The following PPFIA2 variants were observed in gnomAD, a reference collection of about 807,000 sequenced individuals.
PPFIA2 encodes PPFI scaffold protein A2, also known as liprin-alpha-2.
A neutral mutation model predicts 175.5 loss-of-function variants in PPFIA2; 46 were observed. That is an observed-to-expected ratio of 0.26 (90% confidence interval 0.21 to 0.34). The LOEUF (loss-of-function observed/expected upper bound fraction) is 0.34, where lower values mean the gene tolerates loss of function less well. Among genes scored for constraint, PPFIA2 ranks in the 10% least tolerant of loss-of-function variants. The pLI is 1.00. For missense variants in PPFIA2, 1,179 were observed against 1,506.1 expected (o/e 0.78, Z 3.60); for synonymous variants, 568 against 511.4 (o/e 1.11, Z -1.49).
intron 4 of PPFIA2, among the ~76,000 whole-genome samples, chr12:81,465,722 C>A (rs184776035): frequency 1.3e-5 from 2 of 151,898 alleles, no homozygotes; most frequent in South Asian, 4.2e-4. Context: ...TTTCTAGAAC[C>A]GATTAATAAC....
intron 22 of PPFIA2, among the ~76,000 whole-genome samples, chr12:81,324,742 G>A: frequency 6.6e-6 from 1 of 151,896 alleles, no homozygotes; most frequent in East Asian, 1.9e-4. Context: ...CTGAGCATTT[G>A]ATTGTATGGT....
At chr12:81,281,126 G>A (rs2042004861) in intron 27 of PPFIA2, 131 bp downstream of exon 27, 2 of 704,788 alleles carry the variant, frequency 2.8e-6, no homozygotes, top group Admixed American at 3.4e-5. Flanking sequence ...CCAAGTAGAT[G>A]TATACAAACG....
intron 22 of PPFIA2, among the ~76,000 whole-genome samples, chr12:81,319,311 G>A (rs1053434554): frequency 1.3e-5 from 2 of 151,640 alleles, no homozygotes; most frequent in Non-Finnish European, 3.0e-5. Context: ...ACAAATTTCA[G>A]TGCATTCTGA....
intron 27 of PPFIA2, among the ~76,000 whole-genome samples, chr12:81,280,887 T>C (rs1722155003): frequency 6.8e-6 from 1 of 147,194 alleles, no homozygotes; most frequent in African/African-American, 2.5e-5. Context: ...ACCACATATT[T>C]GTGTAGAGTT....
chr12:81,560,488 C>A (rs1003415330), intron 4 of PPFIA2, among the ~76,000 whole-genome samples: 2 of 152,100 alleles, frequency 1.3e-5, no homozygotes, highest in African/African-American at 2.4e-5. Flanking sequence ...TAGGAGAATT[C>A]ATTAGGATGA....
At chr12:81,276,350 A>G (rs2040528162) in intron 28 of PPFIA2, among the ~76,000 whole-genome samples, 1 of 152,134 alleles carries the variant, frequency 6.6e-6, no homozygotes, top group Non-Finnish European at 1.5e-5. Flanking sequence ...GGGTACACTA[A>G]AACCCAGACT....
intron 22 of PPFIA2, among the ~76,000 whole-genome samples, chr12:81,301,491 C>A (rs996941117): frequency 6.6e-6 from 1 of 152,124 alleles, no homozygotes; most frequent in African/African-American, 2.4e-5. Context: ...CATTTTGAAA[C>A]TTCTGACTAG....
chr12:81,748,196 G>T, intron 3 of PPFIA2, among the ~76,000 whole-genome samples: 1 of 143,848 alleles, frequency 7.0e-6, no homozygotes, highest in Middle Eastern at 3.3e-3. Flanking sequence ...ATCTTTTCTA[G>T]TTTTCTGGTC....
chr12:81,404,549 G>A (rs552548885), intron 8 of PPFIA2, among the ~76,000 whole-genome samples: 1 of 152,258 alleles, frequency 6.6e-6, no homozygotes, highest in African/African-American at 2.4e-5. Context: ...GATAAATAAT[G>A]TTATTCTAAT....
chr12:81,402,974 T>C (rs2042319412), intron 8 of PPFIA2, among the ~76,000 whole-genome samples: 1 of 152,194 alleles, frequency 6.6e-6, no homozygotes, highest in Admixed American at 6.6e-5. Flanking sequence ...TTTTTAAATT[T>C]AGACTAAATA....
intron 4 of PPFIA2, among the ~76,000 whole-genome samples, chr12:81,562,019 T>G (rs960767559): frequency 1.3e-5 from 2 of 152,222 alleles, no homozygotes; most frequent in Non-Finnish European, 2.9e-5. Context: ...AAAACAGGTA[T>G]CATCAAAGAT....
intron 4 of PPFIA2, among the ~76,000 whole-genome samples, chr12:81,583,961 C>G (rs2074805033): frequency 6.6e-6 from 1 of 151,854 alleles, no homozygotes; most frequent in South Asian, 2.1e-4. Context: ...TTCCTCAAGA[C>G]TTTTTAAAGA....
intron 7 of PPFIA2, among the ~76,000 whole-genome samples, chr12:81,413,975 T>C (rs1410173170): frequency 6.6e-6 from 1 of 151,792 alleles, no homozygotes; most frequent in Non-Finnish European, 1.5e-5. Context: ...GAACATTTAT[T>C]ACATGCCCCA....
At chr12:81,604,929 T>C (rs1041897319) in intron 4 of PPFIA2, among the ~76,000 whole-genome samples, 3 of 151,786 alleles carry the variant, frequency 2.0e-5, no homozygotes, top group Admixed American at 6.6e-5. Context: ...GCCAGACATT[T>C]GCTCTTAATA....
intron 4 of PPFIA2, among the ~76,000 whole-genome samples, chr12:81,490,374 G>C (rs1268323463): frequency 6.6e-6 from 1 of 151,862 alleles, no homozygotes; most frequent in Non-Finnish European, 1.5e-5. Context: ...ACCAAATGGA[G>C]AGAAATGCAT....
chr12:81,713,022 T>A (rs1022353041), intron 3 of PPFIA2, among the ~76,000 whole-genome samples: 6 of 151,262 alleles, frequency 4.0e-5, no homozygotes, highest in African/African-American at 1.4e-4. Flanking sequence ...ACTTTTTTCA[T>A]TTTCTTTGTC....
At chr12:81,536,177 T>C (rs2065345963) in intron 4 of PPFIA2, among the ~76,000 whole-genome samples, 2 of 151,730 alleles carry the variant, frequency 1.3e-5, no homozygotes, top group Non-Finnish European at 3.0e-5. Flanking sequence ...ACAACAAAGC[T>C]GACAACTATT....
chr12:81,690,874 A>G (rs1026149953), intron 3 of PPFIA2, among the ~76,000 whole-genome samples: 2 of 152,038 alleles, frequency 1.3e-5, no homozygotes, highest in Non-Finnish European at 2.9e-5. Context: ...CTCTTCCTCC[A>G]TCTTCAAAGA....
chr12:81,606,287 C>T (rs145811678), intron 4 of PPFIA2, among the ~76,000 whole-genome samples: 68 of 151,994 alleles, frequency 4.5e-4, no homozygotes, highest in Non-Finnish European at 8.0e-4. Flanking sequence ...ACATATGAGT[C>T]CATGTAACTT....
Sources: gnomAD v4.1 joint callset for allele counts (sites outside exome capture counted in the v4.1 genomes callset) on GRCh38, gnomAD v4.1.1 for gene constraint, MANE v1.5 for transcripts, NCBI Gene and HGNC (gene_info 2026-07-23, HGNC 2026-07-21) for gene names.